ARHGEF10: variants seen among roughly 807,000 people sequenced by gnomAD.
The protein encoded by ARHGEF10 is Rho guanine nucleotide exchange factor 10.
ARHGEF10 carries 140 observed loss-of-function variants against 147.4 expected under a neutral mutation model. The observed-to-expected ratio is 0.95, with a 90% confidence interval of 0.83 to 1.09. ARHGEF10 has a LOEUF of 1.09. ARHGEF10 is among the 50% of genes least tolerant of loss of function. The pLI, the probability that ARHGEF10 is intolerant of heterozygous loss-of-function variation, is 0.00. For missense variants in ARHGEF10, 2,222 were observed against 1,752.7 expected (o/e 1.27, Z -4.78); for synonymous variants, 902 against 695.8 (o/e 1.30, Z -4.67).
Position 1,948,561 on chromosome 8 carries a change from G to C in ARHGEF10, c.3397+2906G>C, listed in dbSNP as rs760234523. Among the ~76,000 whole-genome samples, 1 of 152,126 alleles carries C rather than the reference G, an allele frequency of 6.6e-6. No individual in the cohort carries two copies. Among genetic ancestry groups the C allele is most frequent in the Non-Finnish European group, 1.5e-5 (1 of 68,034 alleles). On this transcript the variant is annotated intron_variant, in intron 27 of 28. Transcript: ENST00000349830. The surrounding 1 kb of genome is among the most constrained non-coding windows in gnomAD (Gnocchi z 4.9). ...AGGTACACGGGTTAGAGGCAACCTCGGTGACACCAGAAGTTCAGTTTTGTT... is the reference window on the plus strand; with the variant it reads ...AGGTACACGGGTTAGAGGCAACCTCCGTGACACCAGAAGTTCAGTTTTGTT...
chr8:1,939,030 C>T (rs1231377578), intron 26 of ARHGEF10, among the ~76,000 whole-genome samples: 3 of 151,860 alleles, frequency 2.0e-5, no homozygotes, highest in Non-Finnish European at 2.9e-5. Context: ...ACCCTGAACA[C>T]TCTGGAATAC....
At chr8:1,831,483 TGGAGGGACAGTGTGACGGC>T (rs1404778559) in intron 1 of ARHGEF10, among the ~76,000 whole-genome samples, 1 of 136,952 alleles carries the variant, frequency 7.3e-6, no homozygotes, top group Non-Finnish European at 1.6e-5. Flanking sequence ...GTGACATCCG[TGGAGGGACAGTGTGACGGC>T]CGTGGAGGGA....
intron 2 of ARHGEF10, among the ~76,000 whole-genome samples, chr8:1,847,488 G>A (rs1563169477): frequency 6.6e-6 from 1 of 152,218 alleles, no homozygotes; most frequent in Non-Finnish European, 1.5e-5. Flanking sequence ...GCATGTTAAT[G>A]TTGGTTCACA....
At chr8:1,900,664 A>G (rs1254629698) in intron 15 of ARHGEF10, among the ~76,000 whole-genome samples, 6 of 152,192 alleles carry the variant, frequency 3.9e-5, no homozygotes, top group Non-Finnish European at 8.8e-5. Context: ...TTGAAAACAT[A>G]CTTCTAAATA....
rs528094709 is a variant in ARHGEF10 at position 1,874,230 on chromosome 8, C to T, written c.680-2341C>T. On this transcript the variant is annotated intron_variant, in intron 7 of 28. Transcript: ENST00000349830. Reference sequence around the variant, plus strand: ...TTGCTGGGGGTCACAACAGCAATTGCGTTTCTAAAACATTGAAAACCACCC... The same window carrying T: ...TTGCTGGGGGTCACAACAGCAATTGTGTTTCTAAAACATTGAAAACCACCC... 9.2e-5 allele frequency among the ~76,000 whole-genome samples: 14 copies of T among 152,310 alleles called. No homozygotes were observed. In the South Asian group the frequency reaches 1.4e-3, roughly 16 times the overall value.
chr8:1,877,517 C>G (rs940385161), intron 8 of ARHGEF10, among the ~76,000 whole-genome samples: 1 of 152,204 alleles, frequency 6.6e-6, no homozygotes, highest in Non-Finnish European at 1.5e-5. Context: ...TGTGAACCAC[C>G]ACACCCAGCC....
rs955095983 is a variant in ARHGEF10, at chr8:1,893,111, A to C, written c.1183-458A>C. On this transcript the variant is annotated intron_variant, in intron 11 of 28. Transcript: ENST00000349830. ...TCTTTGCAAAAAAAAAAAAAAAAAA[A>C]AGATTCCTCCACATTCCACAAACTT... 3.7e-4 allele frequency among the ~76,000 whole-genome samples: 56 copies of C among 151,996 alleles called. 1 individual carries two copies. Among genetic ancestry groups the C allele is most frequent in the Non-Finnish European group, 6.5e-4 (44 of 67,990 alleles).
chr8:1,942,323 A>T (rs1486859450), intron 26 of ARHGEF10, among the ~76,000 whole-genome samples: 6 of 151,518 alleles, frequency 4.0e-5, no homozygotes, highest in African/African-American at 7.3e-5. Flanking sequence ...TCTCCAAAGA[A>T]GATGTACAGT....
chr8:1,838,692 G>A lies in ARHGEF10; in HGVS notation c.-47-4661G>A, dbSNP rs1563156155. On this transcript the variant is annotated intron_variant, in intron 1 of 28. Transcript: ENST00000349830. ...TCTCTGTCCATGGGATCCGATTGTC[G>A]GAAGCATTGATGCCATCTGGCGTGG... Among the ~76,000 whole-genome samples, 4 of 152,278 alleles carry A rather than the reference G, an allele frequency of 2.6e-5. No individual in the cohort carries two copies. In the South Asian group the frequency reaches 6.2e-4, roughly 24 times the overall value.
intron 7 of ARHGEF10, among the ~76,000 whole-genome samples, chr8:1,873,482 C>T (rs1237929898): frequency 0.014 from 1,545 of 108,920 alleles, 67 homozygotes; most frequent in African/African-American, 0.074. Context: ...GAGAGGCGCC[C>T]GCGGGGTAGT....
chr8:1,823,362 G>C (rs531080843), upstream of ARHGEF10, among the ~76,000 whole-genome samples: 71 of 152,088 alleles, frequency 4.7e-4, no homozygotes, highest in Non-Finnish European at 6.5e-4. Flanking sequence ...ACGGAGGGAC[G>C]GGGGCTCAAG....
At position 1,942,650 on chromosome 8, in the gene ARHGEF10, C is replaced by A. The variant is rs193237858; in HGVS notation, c.3223-2831C>A. The stretch of plus-strand genomic sequence containing the variant: ...CTCATGCAGACACGAATTATCATAG[C>A]AGTGTTATTTATAGTCAAAAAGCGG... On this transcript the variant is annotated intron_variant, in intron 26 of 28. Transcript: ENST00000349830. 2.8e-4 allele frequency among the ~76,000 whole-genome samples: 43 copies of A among 152,230 alleles called. No homozygotes were observed. In the East Asian group the frequency reaches 7.9e-3, roughly 28 times the overall value.
chr8:1,932,328 T>C (rs186878744), intron 25 of ARHGEF10, among the ~76,000 whole-genome samples: 29 of 152,280 alleles, frequency 1.9e-4, no homozygotes, highest in African/African-American at 6.3e-4. Context: ...TATGCACACG[T>C]GATTGTGAGG....
At chr8:1,827,317 T>C (rs1011516292) in intron 1 of ARHGEF10, among the ~76,000 whole-genome samples, 2 of 152,214 alleles carry the variant, frequency 1.3e-5, no homozygotes, top group Non-Finnish European at 2.9e-5. Flanking sequence ...AAAAAAGTGA[T>C]CTTTTTTTTT....
intron 27 of ARHGEF10, among the ~76,000 whole-genome samples, chr8:1,951,627 A>G (rs1408469856): frequency 1.3e-5 from 2 of 152,226 alleles, no homozygotes; most frequent in African/African-American, 4.8e-5. Flanking sequence ...GATATTTAAA[A>G]TAGCTTTTAT....
At chr8:1,920,508 T>C (rs978267916) in intron 18 of ARHGEF10, among the ~76,000 whole-genome samples, 28 of 148,000 alleles carry the variant, frequency 1.9e-4, no homozygotes, top group Non-Finnish European at 3.3e-4. Context: ...TTAAACTCTA[T>C]GTTTTTGGTT....
At chr8:1,856,991 G>A (rs1028838341) in intron 2 of ARHGEF10, among the ~76,000 whole-genome samples, 19 of 152,278 alleles carry the variant, frequency 1.2e-4, no homozygotes, top group Admixed American at 6.5e-4. Flanking sequence ...GTCCTAGCAC[G>A]CCGTCTCTGC....
chr8:1,945,157 G>A (rs190689495), intron 26 of ARHGEF10, among the ~76,000 whole-genome samples: 3 of 152,222 alleles, frequency 2.0e-5, no homozygotes, highest in Non-Finnish European at 2.9e-5. Flanking sequence ...TGATGGGCCT[G>A]GGGGGATGGA....
intron 16 of ARHGEF10, 132 bp from the exon 17 acceptor site, chr8:1,905,439 A>C: frequency 8.9e-7 from 1 of 1,123,740 alleles, no homozygotes; most frequent in East Asian, 2.4e-5. Flanking sequence ...GTCACGGGGA[A>C]CATAGGAACG....
Sources: gnomAD v4.1 joint callset for allele counts (sites outside exome capture counted in the v4.1 genomes callset) on GRCh38, gnomAD v4.1.1 for gene constraint, Gnocchi (gnomAD v3.1) non-coding constraint, MANE v1.5 for transcripts, NCBI Gene and HGNC (gene_info 2026-07-23, HGNC 2026-07-21) for gene names.